The following HFE variants were observed in gnomAD, a reference collection of about 807,000 sequenced individuals.
The protein encoded by HFE is homeostatic iron regulator, also known as hereditary hemochromatosis protein.
In HFE, 36 loss-of-function variants were observed where a neutral mutation model predicts 40.9. The ratio of observed to expected loss-of-function variants is 0.88; its 90% CI spans 0.67 to 1.16. The LOEUF (loss-of-function observed/expected upper bound fraction) is 1.16. Among genes scored for constraint, HFE ranks in the 50% most tolerant of loss-of-function variants. The probability of loss-of-function intolerance (pLI) is 0.00; values close to 1 mark genes in which losing one functional copy is unlikely to be tolerated. For synonymous variants in HFE, 157 were observed against 165.4 expected (o/e 0.95, Z 0.39); for missense variants, 376 against 432.0 (o/e 0.87, Z 1.15).
intron 3 of HFE, among the ~76,000 whole-genome samples, 170 bp downstream of exon 3, chr6:26,091,759 A>G (rs537569975): frequency 2.0e-5 from 3 of 152,312 alleles, no homozygotes; most frequent in African/African-American, 7.2e-5. Context: ...ATTGAGATGT[A>G]TGAGACAGCC....
intron 1 of HFE, 42 bp from the exon 2 acceptor site, chr6:26,090,799 C>A: frequency 6.2e-7 from 1 of 1,608,068 alleles, no homozygotes; most frequent in Non-Finnish European, 8.5e-7. Flanking sequence ...ATCCTGCTCC[C>A]CTCCTACTAC....
At chr6:26,087,734 C>A (rs576859440) in intron 1 of HFE, among the ~76,000 whole-genome samples, 1 of 152,222 alleles carries the variant, frequency 6.6e-6, no homozygotes, top group Non-Finnish European at 1.5e-5. Flanking sequence ...CCCCCTCCCC[C>A]GGCTGTCCCG....
intron 1 of HFE, among the ~76,000 whole-genome samples, chr6:26,090,375 G>A (rs373595806): frequency 7.0e-6 from 1 of 143,420 alleles, no homozygotes; most frequent in Non-Finnish European, 1.5e-5. Context: ...CCCAGGAGGT[G>A]CAGGTTGCAG....
intron 1 of HFE, among the ~76,000 whole-genome samples, chr6:26,087,895 T>G (rs1762399537): frequency 6.6e-6 from 1 of 152,168 alleles, no homozygotes; most frequent in African/African-American, 2.4e-5. Flanking sequence ...GCTGTGCAGT[T>G]TTTTCCCCAG....
At chr6:26,088,108 T>C (rs1762418251) in intron 1 of HFE, among the ~76,000 whole-genome samples, 1 of 152,180 alleles carries the variant, frequency 6.6e-6, no homozygotes, top group Admixed American at 6.5e-5. Context: ...GGTGGGAGGC[T>C]CCTGAGAGAG....
chr6:26,094,750 G>T lies in HFE; in HGVS notation c.*524G>T. ...GTAACTCATCTGTCACCAAGCCTTG[G>T]GGATTCTTCCATCTGATTGTGATGT... On this transcript the variant is annotated 3_prime_UTR_variant, in exon 6 of 6. Coordinates refer to ENST00000357618, the MANE Select transcript of HFE (RefSeq NM_000410.4). 2 of 415,934 alleles carry T rather than the reference G, an allele frequency of 4.8e-6. No individual in the cohort carries two copies. The highest frequency in any genetic ancestry group is 7.6e-5 in the Admixed American group (2 of 26,236). The allele number at this position is 415,934 out of a possible 1,614,324, so 25.8% of individuals were successfully genotyped here. A position where few individuals can be genotyped will look rare whatever the true frequency, so the allele number is the denominator to read the frequency against.
intron 1 of HFE, 148 bp from the exon 2 acceptor site, chr6:26,090,693 A>C: frequency 1.2e-6 from 1 of 864,586 alleles, no homozygotes; most frequent in Non-Finnish European, 1.9e-6. Flanking sequence ...CAGGACTGTC[A>C]TATGGAAGAA....
At chr6:26,090,274 G>A (rs1163919046) in intron 1 of HFE, among the ~76,000 whole-genome samples, 1 of 151,070 alleles carries the variant, frequency 6.6e-6, no homozygotes, top group African/African-American at 2.4e-5. Flanking sequence ...GAAACCCCAT[G>A]TCTACTAAAA....
At chr6:26,087,627 C>G in intron 1 of HFE, 111 bp downstream of exon 1, 1 of 915,184 alleles carries the variant, frequency 1.1e-6, no homozygotes, top group Non-Finnish European at 1.7e-6. Flanking sequence ...CTGCTCAACC[C>G]TATCCGCAAG....
chr6:26,089,207 C>T (rs1762505897), intron 1 of HFE, among the ~76,000 whole-genome samples: 1 of 151,700 alleles, frequency 6.6e-6, no homozygotes, highest in African/African-American at 2.4e-5. Flanking sequence ...GTGCTAGGAG[C>T]ACTCCCCCAG....
At chr6:26,087,539 A>G (rs1762362685) in intron 1 of HFE, 23 bp downstream of exon 1, 8 of 1,601,236 alleles carry the variant, frequency 5.0e-6, no homozygotes, top group Non-Finnish European at 6.8e-6. Flanking sequence ...GCTGCGGGCG[A>G]ACTAGGGGCG....
chr6:26,088,076 G>A (rs1471600640), intron 1 of HFE, among the ~76,000 whole-genome samples: 1 of 152,216 alleles, frequency 6.6e-6, no homozygotes, highest in Admixed American at 6.5e-5. Context: ...CTTTTGGTGA[G>A]ACCTGGGGTG....
At chr6:26,092,435 A>G (rs1762787895) in intron 3 of HFE, among the ~76,000 whole-genome samples, 1 of 152,154 alleles carries the variant, frequency 6.6e-6, no homozygotes, top group African/African-American at 2.4e-5. Flanking sequence ...AATTTTATCT[A>G]TCAGAACAAA....
chr6:26,087,640 C>T (rs1762375374), intron 1 of HFE, 124 bp downstream of exon 1: 2 of 764,398 alleles, frequency 2.6e-6, no homozygotes, highest in Non-Finnish European at 4.3e-6. Flanking sequence ...TCCGCAAGCC[C>T]CTCTCCCTAC....
intron 1 of HFE, among the ~76,000 whole-genome samples, chr6:26,090,028 A>T (rs570025347): frequency 6.6e-6 from 1 of 152,238 alleles, no homozygotes; most frequent in African/African-American, 2.4e-5. Context: ...CATTTCTGAG[A>T]TGGTGAAGGC....
Position 26,095,449 on chromosome 6 carries a change from A to G in HFE, c.*1223A>G, listed in dbSNP as rs1762987515. On this transcript the variant is annotated 3_prime_UTR_variant, in exon 6 of 6. Coordinates refer to ENST00000357618, the MANE Select transcript of HFE (RefSeq NM_000410.4). ...GCTTGCAGTGAGCCGAGTTTGCGCC[A>G]CTGCACTCCAGCCTAGGTGACAGAG... The G allele has an allele frequency of 6.6e-6, 1 of 152,078 alleles. No individual in the cohort carries two copies. Among genetic ancestry groups the G allele is most frequent in the Non-Finnish European group, 1.5e-5 (1 of 68,030 alleles). 9.4% of individuals were successfully genotyped at this position (152,078 alleles called of 1,614,324 possible). A position where few individuals can be genotyped will look rare whatever the true frequency, so the allele number is the denominator to read the frequency against.
rs1317024690 is a variant in HFE at position 26,096,985 on chromosome 6, A to C, written c.*2759A>C. The C allele has an allele frequency of 1.5e-5, 3 of 197,430 alleles. No individual in the cohort carries two copies. The highest frequency in any genetic ancestry group is 1.6e-4 in the East Asian group (1 of 6,414). The allele number at this position is 197,430 out of a possible 1,614,324, so 12.2% of individuals were successfully genotyped here. ...GTAGCCGAATTAATCGTGTTTCTTC[A>C]CTCTAGGGACATTGTCGTCTAAGTT... is the stretch of plus-strand genomic sequence containing the variant. On this transcript the variant is annotated 3_prime_UTR_variant, in exon 6 of 6. Transcript: ENST00000357618.
At position 26,096,741 on chromosome 6, in the gene HFE, G is replaced by A; in HGVS notation, c.*2515G>A. 1 of 373,036 alleles carries A rather than the reference G, an allele frequency of 2.7e-6. No individual in the cohort carries two copies. Among genetic ancestry groups the A allele is most frequent in the Non-Finnish European group, 5.2e-6 (1 of 193,634 alleles). The allele number at this position is 373,036 out of a possible 1,614,324, so 23.1% of individuals were successfully genotyped here. A position where few individuals can be genotyped will look rare whatever the true frequency, so the allele number is the denominator to read the frequency against. The stretch of plus-strand genomic sequence containing the variant: ...TAAAGCTGTTATTTAATTAGCCAGT[G>A]AAAAACTATTAACAACTTGTCTATT... On this transcript the variant is annotated 3_prime_UTR_variant, in exon 6 of 6. Transcript: ENST00000357618.
chr6:26,098,113 A>G lies in HFE; in HGVS notation c.*3887A>G, dbSNP rs1484212891. ...ACTCTAACATGTAGAATGTTACTAC[A>G]ATATTAAAGTATTTTGTATGACAAT... On this transcript the variant is annotated 3_prime_UTR_variant, in exon 6 of 6. Transcript: ENST00000357618. The G allele has an allele frequency of 6.6e-6, 1 of 152,188 alleles. No homozygotes were observed. Among genetic ancestry groups the G allele is most frequent in the African/African-American group, 2.4e-5 (1 of 41,446 alleles). The allele number at this position is 152,188 out of a possible 1,614,324, so 9.4% of individuals were successfully genotyped here. A position where few individuals can be genotyped will look rare whatever the true frequency, so the allele number is the denominator to read the frequency against.
Sources: allele counts gnomAD v4.1 joint callset (sites outside exome capture counted in the v4.1 genomes callset), GRCh38; gene constraint gnomAD v4.1.1; transcripts MANE v1.5; gene names NCBI Gene and HGNC (gene_info 2026-07-23, HGNC 2026-07-21).